The following COL22A1 variants were observed in gnomAD, a reference collection of about 807,000 sequenced individuals.
COL22A1 encodes collagen alpha-1(XXII) chain.
Under a neutral mutation model 248.9 loss-of-function variants are expected in COL22A1, and 221 were observed. The observed-to-expected ratio is 0.89, with a 90% CI of 0.80 to 0.99. The LOEUF (loss-of-function observed/expected upper bound fraction) is 0.99, where lower values mean the gene tolerates loss of function less well. Among genes scored for constraint, COL22A1 ranks in the 50% least tolerant of loss-of-function variants. The pLI, the probability that COL22A1 is intolerant of heterozygous loss-of-function variation, is 0.00. For missense variants in COL22A1, 2,240 were observed against 2,179.0 expected, an observed-to-expected ratio of 1.03 and a Z score of -0.56; for synonymous variants, 891 against 793.4, an observed-to-expected ratio of 1.12 and a Z score of -2.07.
At chr8:138,679,928 C>A (rs577569161) in intron 39 of COL22A1, among the ~76,000 whole-genome samples, 1 of 152,180 alleles carries the variant, frequency 6.6e-6, no homozygotes. Context: ...GAGGAGGCAG[C>A]ATGACAGAAA....
At chr8:138,721,977 T>C in intron 26 of COL22A1, 59 bp downstream of exon 26, 1 of 1,259,122 alleles carries the variant, frequency 7.9e-7, no homozygotes. Flanking sequence ...CAATCAAGCA[T>C]CTCTTTAGTT....
At position 138,688,922 on chromosome 8, in the gene COL22A1, C is replaced by T. The variant is rs1339342202; in HGVS notation, c.2857G>A (p.Glu953Lys). Reference protein sequence around the residue: ...GTPGKDGERGEKGAAGEEGSP... With the variant: ...GTPGKDGERGKKGAAGEEGSP... Reference sequence around the variant, plus strand: ...AGAGATCATATTGGTCTTACCTTCTCACCACGCTCCCCATCTTTCCCTGGG... The same window carrying T: ...AGAGATCATATTGGTCTTACCTTCTTACCACGCTCCCCATCTTTCCCTGGG... The change falls in exon 37 of 65, where the codon GAG becomes AAG. Residue 953 changes from glutamate to lysine, a missense_variant. Physicochemically the swap from Glu to Lys is moderately conservative, Grantham distance 56. Coordinates refer to ENST00000303045, the MANE Select transcript of COL22A1 (RefSeq NM_152888.3). 1.9e-6 allele frequency: 3 copies of T among 1,613,048 alleles called. No individual in the cohort carries two copies. The highest frequency in any genetic ancestry group is 3.3e-5 in the Admixed American group (2 of 60,012).
intron 30 of COL22A1, among the ~76,000 whole-genome samples, chr8:138,715,421 T>A (rs1373584492): frequency 6.6e-6 from 1 of 151,620 alleles, no homozygotes; most frequent in East Asian, 1.9e-4. Flanking sequence ...ACACAAAAAT[T>A]AGCCAGGTGT....
Position 138,715,668 on chromosome 8 carries a change from C to T in COL22A1, c.2517+14G>A, listed in dbSNP as rs773025005. ...TAATAATTGATGGTCAGAATGAGAG[C>T]AAGTTTCTCCTACCTTTTCACCTCG... On this transcript the variant is annotated intron_variant, in intron 30 of 64. Coordinates refer to ENST00000303045, the MANE Select transcript of COL22A1 (RefSeq NM_152888.3). 23 of 1,602,648 alleles carry T rather than the reference C, an allele frequency of 1.4e-5. 1 individual carries two copies. In the East Asian group the frequency reaches 3.8e-4, roughly 27 times the overall value.
At chr8:138,887,259 C>G (rs1824739796) in intron 1 of COL22A1, among the ~76,000 whole-genome samples, 1 of 149,258 alleles carries the variant, frequency 6.7e-6, no homozygotes, top group Non-Finnish European at 1.5e-5. Flanking sequence ...GAGTCTTACT[C>G]TGTTGCCCAG....
chr8:138,762,610 A>AC, intron 16 of COL22A1, 144 bp from the exon 17 acceptor site: 33 of 558,010 alleles, frequency 5.9e-5, no homozygotes, highest in Admixed American at 1.3e-4. Flanking sequence ...ACACACACAC[A>AC]ACAGCCCTAG....
intron 30 of COL22A1, among the ~76,000 whole-genome samples, chr8:138,703,567 G>T (rs1828146614): frequency 6.6e-6 from 1 of 152,052 alleles, no homozygotes; most frequent in African/African-American, 2.4e-5. Context: ...TAAAAACATT[G>T]TTTTCAGAAG....
chr8:138,653,283 G>A (rs936896638), intron 45 of COL22A1, among the ~76,000 whole-genome samples: 9 of 152,048 alleles, frequency 5.9e-5, no homozygotes, highest in African/African-American at 1.2e-4. Flanking sequence ...CTTCATCTCC[G>A]AATCTCTATG....
chr8:138,597,108 T>C, intron 61 of COL22A1, 138 bp from the exon 62 acceptor site: 1 of 663,374 alleles, frequency 1.5e-6, no homozygotes. Context: ...GCCCAATCTT[T>C]TCCACATCTC....
intron 23 of COL22A1, among the ~76,000 whole-genome samples, chr8:138,732,482 T>C (rs1025977037): frequency 6.6e-6 from 1 of 152,208 alleles, no homozygotes; most frequent in Admixed American, 6.5e-5. Flanking sequence ...CCAGCTGCCA[T>C]AAAACGGTTG....
intron 27 of COL22A1, among the ~76,000 whole-genome samples, chr8:138,718,190 C>T (rs2131111730): frequency 6.6e-6 from 1 of 152,278 alleles, no homozygotes; most frequent in East Asian, 1.9e-4. Context: ...GCGCTGGTGT[C>T]ACACATCTGG....
intron 45 of COL22A1, among the ~76,000 whole-genome samples, chr8:138,652,735 GTTTTTTTTTT>G (rs71316352): frequency 0.015 from 791 of 54,268 alleles, 11 homozygotes; most frequent in African/African-American, 0.029. Flanking sequence ...TCCTTTTCTG[GTTTTTTTTTT>G]TTTTTTTTTT....
At chr8:138,612,742 C>T (rs549568756) in intron 56 of COL22A1, among the ~76,000 whole-genome samples, 8 of 151,738 alleles carry the variant, frequency 5.3e-5, no homozygotes, top group Non-Finnish European at 7.4e-5. Flanking sequence ...GCCTGGCCAA[C>T]GTGGCAAAAC....
intron 22 of COL22A1, among the ~76,000 whole-genome samples, chr8:138,745,287 G>A (rs77094318): frequency 0.011 from 1,675 of 152,082 alleles, 44 homozygotes; most frequent in African/African-American, 0.039. Context: ...GCGTAAGAAG[G>A]GACCACATTC....
chr8:138,869,334 G>C (rs1823140013), intron 3 of COL22A1, among the ~76,000 whole-genome samples: 1 of 152,230 alleles, frequency 6.6e-6, no homozygotes, highest in African/African-American at 2.4e-5. Context: ...ATTTGGGAAT[G>C]ATTGAAGAGG....
chr8:138,793,994 G>A (rs1360322534), intron 12 of COL22A1, among the ~76,000 whole-genome samples: 2 of 152,164 alleles, frequency 1.3e-5, no homozygotes, highest in Non-Finnish European at 2.9e-5. Context: ...TCCGGACCCC[G>A]GAAGTCCCGG....
intron 1 of COL22A1, among the ~76,000 whole-genome samples, chr8:138,896,909 G>C (rs752572052): frequency 7.2e-5 from 11 of 151,764 alleles, no homozygotes; most frequent in Non-Finnish European, 1.3e-4. Context: ...GGAGGCAGAG[G>C]TTACAGTGAG....
At chr8:138,752,888 G>A (rs1832717464) in intron 21 of COL22A1, among the ~76,000 whole-genome samples, 1 of 152,208 alleles carries the variant, frequency 6.6e-6, no homozygotes, top group South Asian at 2.1e-4. Context: ...AGGTGCTGCT[G>A]CGGATTCAAA....
chr8:138,674,357 C>T (rs1219863426), intron 41 of COL22A1, among the ~76,000 whole-genome samples: 2 of 151,972 alleles, frequency 1.3e-5, no homozygotes, highest in Non-Finnish European at 2.9e-5. Flanking sequence ...TCTTCACCTC[C>T]TCCACACACC....
Sources: allele counts gnomAD v4.1 joint callset (sites outside exome capture counted in the v4.1 genomes callset), GRCh38; gene constraint gnomAD v4.1.1; transcripts MANE v1.5; gene names NCBI Gene and HGNC (gene_info 2026-07-23, HGNC 2026-07-21).